C1GALT1: variants seen among roughly 807,000 people sequenced by gnomAD.
C1GALT1 encodes glycoprotein-N-acetylgalactosamine 3-beta-galactosyltransferase 1.
A neutral mutation model predicts 31.0 loss-of-function variants in C1GALT1; 11 were observed. The observed-to-expected ratio is 0.36, with a 90% CI of 0.22 to 0.59. C1GALT1 has a LOEUF of 0.59. C1GALT1 is among the 20% of genes least tolerant of loss of function. The pLI, the probability that C1GALT1 is intolerant of heterozygous loss-of-function variation, is 0.79. For missense variants in C1GALT1, 424 were observed against 425.2 expected (o/e 1.00, Z 0.03); for synonymous variants, 175 against 143.6 (o/e 1.22, Z -1.56).
At chr7:7,166,563 C>T (rs545902655) in intron 2 of C1GALT1, among the ~76,000 whole-genome samples, 2 of 152,016 alleles carry the variant, frequency 1.3e-5, no homozygotes, top group Non-Finnish European at 1.5e-5. Context: ...ATCTTGACTG[C>T]GGTGATAGTT....
At chr7:7,202,483 C>A (rs1453193255) in intron 1 of C1GALT1, among the ~76,000 whole-genome samples, 1 of 152,170 alleles carries the variant, frequency 6.6e-6, no homozygotes, top group Non-Finnish European at 1.5e-5. Flanking sequence ...AAAAACCTGT[C>A]CTTTTCCCAT....
intron 2 of C1GALT1, among the ~76,000 whole-genome samples, chr7:7,169,668 T>C (rs1412306696): frequency 6.6e-6 from 1 of 152,236 alleles, no homozygotes; most frequent in Non-Finnish European, 1.5e-5. Flanking sequence ...ATTAGCCATT[T>C]GTACATTTTT....
intron 2 of C1GALT1, among the ~76,000 whole-genome samples, chr7:7,157,603 T>C (rs1403106560): frequency 6.6e-6 from 1 of 152,230 alleles, no homozygotes; most frequent in Non-Finnish European, 1.5e-5. Context: ...TCTACTGTCT[T>C]GACTGGCTTC....
rs1379702269 is a variant in C1GALT1 at position 7,244,566 on chromosome 7, A to G, written c.*839A>G. 6.6e-6 allele frequency: 1 copy of G among 152,144 alleles called. No individual in the cohort carries two copies. Among genetic ancestry groups the G allele is most frequent in the Non-Finnish European group, 1.5e-5 (1 of 68,012 alleles). 9.4% of individuals were successfully genotyped at this position (152,144 alleles called of 1,614,324 possible). ...GTTCATTATGGGTAACTAATAATAA[A>G]TTTAATGCTGTTTCAGGATGCTTTT... is the stretch of plus-strand genomic sequence containing the variant. On this transcript the variant is annotated 3_prime_UTR_variant, in exon 4 of 4. Transcript: ENST00000436587.
At position 7,243,836 on chromosome 7, in the gene C1GALT1, C is replaced by G; in HGVS notation, c.*109C>G. 1.3e-6 allele frequency: 1 copy of G among 773,446 alleles called. No individual in the cohort carries two copies. The highest frequency in any genetic ancestry group is 2.6e-5 in the East Asian group (1 of 37,958). 47.9% of individuals were successfully genotyped at this position (773,446 alleles called of 1,614,324 possible). A position where few individuals can be genotyped will look rare whatever the true frequency, so the allele number is the denominator to read the frequency against. On this transcript the variant is annotated 3_prime_UTR_variant, in exon 4 of 4. Transcript: ENST00000436587. ...ATCCCAGTGAGGAATTCTAAGTGAA[C>G]ATTCCTTATAGAAACCTTTCACATG...
chr7:7,209,821 G>A (rs560172268), intron 1 of C1GALT1, among the ~76,000 whole-genome samples: 1 of 152,304 alleles, frequency 6.6e-6, no homozygotes, highest in East Asian at 1.9e-4. Flanking sequence ...GGCTGAGTGC[G>A]AAAGGAGAGT....
At chr7:7,220,982 G>C (rs1782486346) in intron 1 of C1GALT1, among the ~76,000 whole-genome samples, 1 of 129,790 alleles carries the variant, frequency 7.7e-6, no homozygotes, top group African/African-American at 3.1e-5. Context: ...GTGACCTTTT[G>C]TTCCTCTCTC....
chr7:7,234,063 C>G (rs2128248816), intron 1 of C1GALT1, among the ~76,000 whole-genome samples: 1 of 152,226 alleles, frequency 6.6e-6, no homozygotes, highest in African/African-American at 2.4e-5. Flanking sequence ...ATTCTGTGTG[C>G]AATACTGACA....
At chr7:7,183,854 A>G (rs764684997) in intron 1 of C1GALT1, among the ~76,000 whole-genome samples, 3 of 152,212 alleles carry the variant, frequency 2.0e-5, no homozygotes, top group Non-Finnish European at 4.4e-5. Flanking sequence ...TGATTTCATT[A>G]TGAATTTAAA....
intron 1 of C1GALT1, among the ~76,000 whole-genome samples, chr7:7,186,808 G>A (rs1462051001): frequency 6.6e-6 from 1 of 152,214 alleles, no homozygotes; most frequent in Non-Finnish European, 1.5e-5. Flanking sequence ...AATTGCTGCT[G>A]TTTGTTCATT....
At chr7:7,199,891 T>A (rs1781463262) in intron 1 of C1GALT1, among the ~76,000 whole-genome samples, 1 of 152,208 alleles carries the variant, frequency 6.6e-6, no homozygotes, top group Admixed American at 6.5e-5. Flanking sequence ...TCCATTTGCT[T>A]GTTAGATCTT....
rs533802836 is a variant in C1GALT1, at chr7:7,246,008, GTAT to G, written c.*2289_*2291del. On this transcript the variant is annotated 3_prime_UTR_variant, in exon 4 of 4. Transcript: ENST00000436587. ...GATAGGGAGCAATAAATAGAAGATT[GTAT>G]TATTATTCTGTTACCTTGGAGTGTA... is the stretch of plus-strand genomic sequence containing the variant. 1.5e-3 allele frequency: 226 copies of G among 152,276 alleles called. No homozygotes were observed. The highest frequency in any genetic ancestry group is 5.1e-3 in the African/African-American group (213 of 41,544). 9.4% of individuals were successfully genotyped at this position (152,276 alleles called of 1,614,324 possible). A position where few individuals can be genotyped will look rare whatever the true frequency, so the allele number is the denominator to read the frequency against.
At chr7:7,226,427 G>A (rs1000782427) in intron 1 of C1GALT1, among the ~76,000 whole-genome samples, 2 of 152,004 alleles carry the variant, frequency 1.3e-5, no homozygotes, top group African/African-American at 2.4e-5. Context: ...CTGACTTCCC[G>A]AAAGCCTGAA....
At chr7:7,163,419 C>T (rs1292812631) in intron 2 of C1GALT1, among the ~76,000 whole-genome samples, 1 of 152,064 alleles carries the variant, frequency 6.6e-6, no homozygotes, top group African/African-American at 2.4e-5. Flanking sequence ...ACAGGGATGC[C>T]CTCTCTCACC....
intron 2 of C1GALT1, among the ~76,000 whole-genome samples, chr7:7,236,240 C>A (rs1045736575): frequency 2.0e-5 from 3 of 152,214 alleles, no homozygotes; most frequent in South Asian, 4.1e-4. Context: ...TCATTTTTTT[C>A]ATCTCCTATG....
At chr7:7,229,141 T>G (rs555996662) in intron 1 of C1GALT1, among the ~76,000 whole-genome samples, 2 of 152,350 alleles carry the variant, frequency 1.3e-5, no homozygotes, top group South Asian at 4.1e-4. Flanking sequence ...TGAATGGCAT[T>G]GTGACTACTG....
At chr7:7,203,146 T>C (rs7806755) in intron 1 of C1GALT1, among the ~76,000 whole-genome samples, 5,604 of 151,304 alleles carry the variant, frequency 0.037, 244 homozygotes, top group African/African-American at 0.11. Flanking sequence ...ATCATATCAT[T>C]TGTAAGAAGA....
At chr7:7,163,433 C>G (rs1033327477) in intron 2 of C1GALT1, among the ~76,000 whole-genome samples, 1 of 152,114 alleles carries the variant, frequency 6.6e-6, no homozygotes, top group African/African-American at 2.4e-5. Flanking sequence ...TCTCACCACT[C>G]CTATTCAACA....
intron 2 of C1GALT1, among the ~76,000 whole-genome samples, chr7:7,176,731 G>C (rs1780509805): frequency 6.6e-6 from 1 of 152,034 alleles, no homozygotes; most frequent in Non-Finnish European, 1.5e-5. Context: ...TCCTCTGTCA[G>C]TCAATTCAGA....
Sources: allele counts gnomAD v4.1 joint callset (sites outside exome capture counted in the v4.1 genomes callset), GRCh38; gene constraint gnomAD v4.1.1; transcripts MANE v1.5; gene names NCBI Gene and HGNC (gene_info 2026-07-23, HGNC 2026-07-21).